The following SERPINB5 variants were observed in gnomAD, a reference collection of about 807,000 sequenced individuals.
SERPINB5 encodes serpin family B member 5.
In SERPINB5, 27 loss-of-function variants were observed where a neutral mutation model predicts 32.2. The ratio of observed to expected loss-of-function variants is 0.84; its 90% CI spans 0.62 to 1.16. The LOEUF is 1.16. SERPINB5 is among the 50% of genes most tolerant of loss of function. SERPINB5 has a pLI of 0.00. For missense variants in SERPINB5, 388 were observed against 436.3 expected (o/e 0.89, Z 0.99); for synonymous variants, 154 against 157.4 (o/e 0.98, Z 0.16).
rs1006618978 is a variant in SERPINB5 at position 63,479,294 on chromosome 18, C to CT, written c.-8+2255dup. On this transcript the variant is annotated intron_variant, in intron 1 of 6. Transcript: ENST00000382771. ...GGATGTATATATCCTACCCACAGGACTTTTTTCTCACCTAAATGGTCTAAA... is the reference window on the plus strand; with the variant it reads ...GGATGTATATATCCTACCCACAGGACTTTTTTTCTCACCTAAATGGTCTAAA... 3.3e-5 allele frequency among the ~76,000 whole-genome samples: 5 copies of CT among 152,246 alleles called. No individual in the cohort carries two copies. In the East Asian group the frequency reaches 5.8e-4, roughly 18 times the overall value.
chr18:63,481,926 A>G (rs1439327359), intron 1 of SERPINB5, among the ~76,000 whole-genome samples: 2 of 152,132 alleles, frequency 1.3e-5, no homozygotes, highest in African/African-American at 4.8e-5. Flanking sequence ...TTTAAAGAAA[A>G]GTGAGAGGCC....
chr18:63,482,245 A>G (rs1403777484), intron 1 of SERPINB5, among the ~76,000 whole-genome samples: 5 of 152,204 alleles, frequency 3.3e-5, no homozygotes, highest in Admixed American at 6.5e-5. Flanking sequence ...ATTTGTGTCC[A>G]GGTATAAGGT....
At chr18:63,478,231 A>G (rs1015224028) in intron 1 of SERPINB5, among the ~76,000 whole-genome samples, 5 of 152,174 alleles carry the variant, frequency 3.3e-5, no homozygotes, top group African/African-American at 1.2e-4. Flanking sequence ...CTTTGGGGCT[A>G]TGCAGTCTCA....
chr18:63,501,432 C>A (rs1048917845), intron 6 of SERPINB5, among the ~76,000 whole-genome samples: 7 of 152,080 alleles, frequency 4.6e-5, no homozygotes, highest in Admixed American at 2.0e-4. Flanking sequence ...TTTTCTTAAT[C>A]CAGTCTATCA....
Position 63,499,200 on chromosome 18 carries a change from C to A in SERPINB5, c.648C>A (p.Ile216=). The A allele has an allele frequency of 6.2e-7, 1 of 1,601,956 alleles. No homozygotes were observed. The highest frequency in any genetic ancestry group is 1.1e-5 in the South Asian group (1 of 88,974). The change falls in exon 6 of 7, where the codon ATC becomes ATA. Residue 216 remains isoleucine (I), a synonymous_variant. Coordinates refer to ENST00000382771, the MANE Select transcript of SERPINB5 (RefSeq NM_002639.5). ...MGNIDSINCK[I]IELPFQNKHL... The stretch of plus-strand genomic sequence containing the variant: ...ACATTGACAGTATCAATTGTAAGAT[C>A]ATAGAGCTTCCTTTTCAAAATAAGC...
intron 5 of SERPINB5, among the ~76,000 whole-genome samples, chr18:63,496,456 A>C (rs1909449632): frequency 6.6e-6 from 1 of 152,232 alleles, no homozygotes; most frequent in African/African-American, 2.4e-5. Context: ...GCTGGGGTAG[A>C]AAATGAGACT....
At chr18:63,484,731 C>A in intron 2 of SERPINB5, 135 bp downstream of exon 2, 12 of 238,910 alleles carry the variant, frequency 5.0e-5, no homozygotes, top group Middle Eastern at 1.1e-3. Flanking sequence ...CATTCCAGGA[C>A]TCTCTTAATC....
intron 1 of SERPINB5, among the ~76,000 whole-genome samples, chr18:63,483,408 TAAGTATTGTTATG>T (rs1917155655): frequency 1.3e-5 from 2 of 152,254 alleles, no homozygotes; most frequent in South Asian, 4.1e-4. Flanking sequence ...TGCTGTTTAT[TAAGTATTGTTATG>T]TGCTGGGTGT....
Position 63,503,524 on chromosome 18 carries a change from C to G in SERPINB5, c.930C>G (p.Thr310=), listed in dbSNP as rs2144513738. Residue 310 remains threonine (T), a synonymous_variant, in exon 7 of 7, where the codon ACC becomes ACG. Coordinates refer to ENST00000382771, the MANE Select transcript of SERPINB5 (RefSeq NM_002639.5). ...CTGATTTCTCTGGAATGTCAGAGACCAAGGGAGTGGCCCTATCAAATGTTA... is the reference window on the plus strand; with the variant it reads ...CTGATTTCTCTGGAATGTCAGAGACGAAGGGAGTGGCCCTATCAAATGTTA... ...DTSDFSGMSE[T]KGVALSNVIH... is the part of the protein sequence containing the mutation. The G allele has an allele frequency of 6.2e-7, 1 of 1,614,148 alleles. No homozygotes were observed. Among genetic ancestry groups the G allele is most frequent in the Non-Finnish European group, 8.5e-7 (1 of 1,179,990 alleles).
In SERPINB5 at chr18:63,494,965, A is replaced by T. The variant is rs150713897; in HGVS notation, c.567+1870A>T. Reference sequence around the variant, plus strand: ...TCAGTTTGCTTAAACAATCAATAGCAGACAAAACCTGACTGGCCTTTGGGA... The same window carrying T: ...TCAGTTTGCTTAAACAATCAATAGCTGACAAAACCTGACTGGCCTTTGGGA... On this transcript the variant is annotated intron_variant, in intron 5 of 6. Transcript: ENST00000382771. 6.5e-3 allele frequency among the ~76,000 whole-genome samples: 995 copies of T among 152,348 alleles called. 13 individuals are homozygous for T. The highest frequency in any genetic ancestry group is 0.023 in the African/African-American group (952 of 41,588).
In SERPINB5 at chr18:63,498,172, T is replaced by A. The variant is rs144763233; in HGVS notation, c.568-948T>A. ...TGGTATGATCTTGGCTCACACCAACTTCTGGCTCCCAGGCTCAAGCAATTC... is the reference window on the plus strand; with the variant it reads ...TGGTATGATCTTGGCTCACACCAACATCTGGCTCCCAGGCTCAAGCAATTC... On this transcript the variant is annotated intron_variant, in intron 5 of 6. Transcript: ENST00000382771. The surrounding 1 kb of genome is among the most constrained non-coding windows in gnomAD (Gnocchi z 4.2). Among the ~76,000 whole-genome samples the A allele has an allele frequency of 1.6e-4, 25 of 152,278 alleles. No homozygotes were observed. Among genetic ancestry groups the A allele is most frequent in the Non-Finnish European group, 3.5e-4 (24 of 68,000 alleles).
At chr18:63,486,727 T>G (rs1917219669) in intron 2 of SERPINB5, 1 of 402,918 alleles carries the variant, frequency 2.5e-6, no homozygotes, top group East Asian at 3.6e-5. Flanking sequence ...ATCTAGTAGG[T>G]CAGCGATGCT....
At chr18:63,477,610 G>A (rs996475665) in intron 1 of SERPINB5, among the ~76,000 whole-genome samples, 1 of 152,042 alleles carries the variant, frequency 6.6e-6, no homozygotes, top group African/African-American at 2.4e-5. Context: ...TCTTCTAAGC[G>A]GAAATTATTC....
intron 2 of SERPINB5, among the ~76,000 whole-genome samples, chr18:63,486,194 G>A (rs903573490): frequency 6.6e-6 from 1 of 152,156 alleles, no homozygotes; most frequent in Non-Finnish European, 1.5e-5. Flanking sequence ...CCCATTTTAC[G>A]GAGAGGAAAG....
intron 3 of SERPINB5, among the ~76,000 whole-genome samples, chr18:63,488,565 G>A (rs1182947124): frequency 2.0e-5 from 3 of 152,152 alleles, no homozygotes; most frequent in African/African-American, 4.8e-5. Flanking sequence ...GTCCAAACAA[G>A]TGTGCTCTGT....
At chr18:63,497,321 C>T (rs978167667) in intron 5 of SERPINB5, 91 of 1,274,132 alleles carry the variant, frequency 7.1e-5, no homozygotes, top group Non-Finnish European at 8.4e-5. Context: ...TTCTCCTATG[C>T]GATTCTGGGC....
rs1909633882 is a variant in SERPINB5, at chr18:63,504,192, A to G, written c.*470A>G. The G allele has an allele frequency of 6.1e-6, 1 of 164,104 alleles. No homozygotes were observed. The highest frequency in any genetic ancestry group is 2.4e-5 in the African/African-American group (1 of 41,512). 10.2% of individuals were successfully genotyped at this position (164,104 alleles called of 1,614,324 possible). A position where few individuals can be genotyped will look rare whatever the true frequency, so the allele number is the denominator to read the frequency against. On this transcript the variant is annotated 3_prime_UTR_variant, in exon 7 of 7. Transcript: ENST00000382771. ...ACGAAACTGCCCTGGCTCCAGTGAA[A>G]CTTGGGCACATGCTCAGGCTACTAT... is the stretch of plus-strand genomic sequence containing the variant.
rs756596385 is a variant in SERPINB5 at position 63,503,365 on chromosome 18, G to A, written c.771G>A (p.Gln257=). 1.9e-6 allele frequency: 3 copies of A among 1,614,108 alleles called. No individual in the cohort carries two copies. In the East Asian group the frequency reaches 6.7e-5, roughly 36 times the overall value. ...EKQLNSESLS[Q]WTNPSTMANA... is the part of the protein sequence containing the mutation. ...AACTCAACTCAGAGTCACTGTCACAGTGGACTAATCCCAGCACCATGGCCA... is the reference window on the plus strand; with the variant it reads ...AACTCAACTCAGAGTCACTGTCACAATGGACTAATCCCAGCACCATGGCCA... The change falls in exon 7 of 7, where the codon CAG becomes CAA. Residue 257 remains glutamine, a synonymous_variant. Coordinates refer to ENST00000382771, the MANE Select transcript of SERPINB5 (RefSeq NM_002639.5).
chr18:63,501,730 G>A (rs530042089), intron 6 of SERPINB5, among the ~76,000 whole-genome samples: 138 of 152,174 alleles, frequency 9.1e-4, no homozygotes, highest in African/African-American at 3.2e-3. Flanking sequence ...TTTAATGATC[G>A]CCATTCTAAC....
Sources: allele counts gnomAD v4.1 joint callset (sites outside exome capture counted in the v4.1 genomes callset), GRCh38; gene constraint gnomAD v4.1.1; non-coding constraint Gnocchi (gnomAD v3.1); transcripts MANE v1.5; gene names NCBI Gene and HGNC (gene_info 2026-07-23, HGNC 2026-07-21).